Variants in IRAK4 observed in about 807,000 individuals in gnomAD.
IRAK4 encodes the protein interleukin 1 receptor associated kinase 4, also known as interleukin-1 receptor-associated kinase 4.
In IRAK4, 44 loss-of-function variants were observed where a neutral mutation model predicts 51.8. That is an observed-to-expected ratio of 0.85 (90% CI 0.67 to 1.09). The LOEUF is 1.09. Among genes scored for constraint, IRAK4 ranks in the 50% least tolerant of loss-of-function variants. IRAK4 has a pLI of 0.00. For missense variants in IRAK4, 487 were observed against 538.0 expected (o/e 0.91, Z 0.94); for synonymous variants, 149 against 174.1 (o/e 0.86, Z 1.13).
At chr12:43,782,022 A>T (rs1398323138) in intron 8 of IRAK4, among the ~76,000 whole-genome samples, 1 of 152,068 alleles carries the variant, frequency 6.6e-6, no homozygotes, top group South Asian at 2.1e-4. Flanking sequence ...TAATGTAGAC[A>T]GTTTTATTTC....
intron 1 of IRAK4, among the ~76,000 whole-genome samples, chr12:43,761,391 T>C (rs1939538886): frequency 6.6e-6 from 1 of 152,194 alleles, no homozygotes; most frequent in Non-Finnish European, 1.5e-5. Flanking sequence ...AAATTGAACC[T>C]AAATACAGTC....
chr12:43,766,693 T>G (rs1265806376), intron 1 of IRAK4, among the ~76,000 whole-genome samples: 1 of 152,190 alleles, frequency 6.6e-6, no homozygotes, highest in Non-Finnish European at 1.5e-5. Context: ...TAATTGTAAG[T>G]CCTGGATCTC....
Position 43,786,749 on chromosome 12 carries a change from T to A in IRAK4, c.*34T>A, listed in dbSNP as rs2138089381. 1 of 1,564,542 alleles carries A rather than the reference T, an allele frequency of 6.4e-7. No homozygotes were observed. The highest frequency in any genetic ancestry group is 2.2e-5 in the East Asian group (1 of 44,578). On this transcript the variant is annotated 3_prime_UTR_variant, in exon 12 of 12. Transcript: ENST00000613694. Reference sequence around the variant, plus strand: ...TGGAAAAGACTCTTGACTTTTTATATACACCTATCTCAACCATTTTTTTAA... The same window carrying A: ...TGGAAAAGACTCTTGACTTTTTATAAACACCTATCTCAACCATTTTTTTAA...
chr12:43,765,459 A>G (rs1001853200), intron 1 of IRAK4, among the ~76,000 whole-genome samples: 1 of 152,120 alleles, frequency 6.6e-6, no homozygotes, highest in African/African-American at 2.4e-5. Flanking sequence ...CATTCTTCCA[A>G]CCAACCTCCA....
At chr12:43,778,336 T>A in intron 8 of IRAK4, 34 bp downstream of exon 8, 1 of 1,174,540 alleles carries the variant, frequency 8.5e-7, no homozygotes, top group African/African-American at 1.5e-5. Context: ...TTTGGAAAGC[T>A]GTCTTTAAAG....
intron 1 of IRAK4, among the ~76,000 whole-genome samples, chr12:43,764,078 T>G (rs1939863014): frequency 6.6e-6 from 1 of 152,230 alleles, no homozygotes; most frequent in African/African-American, 2.4e-5. Context: ...GCTCTTAATT[T>G]GTATGAGGGC....
At chr12:43,783,996 C>G (rs940714850) in intron 10 of IRAK4, among the ~76,000 whole-genome samples, 1 of 151,988 alleles carries the variant, frequency 6.6e-6, no homozygotes, top group African/African-American at 2.4e-5. Flanking sequence ...CTGAGGTCCT[C>G]TTTAGCTTAT....
intron 6 of IRAK4, among the ~76,000 whole-genome samples, chr12:43,776,159 T>TG (rs1406700478): frequency 1.3e-5 from 2 of 152,174 alleles, no homozygotes; most frequent in East Asian, 3.8e-4. Flanking sequence ...CGTGAGTCAC[T>TG]GCGCCCGGCC....
chr12:43,773,123 C>G (rs773013598), intron 5 of IRAK4, 51 bp downstream of exon 5: 1 of 1,494,162 alleles, frequency 6.7e-7, no homozygotes, highest in East Asian at 2.3e-5. Flanking sequence ...ATAGTGTGCC[C>G]TATAATAGGT....
chr12:43,774,580 A>G (rs1257038038), intron 6 of IRAK4, among the ~76,000 whole-genome samples: 1 of 152,198 alleles, frequency 6.6e-6, no homozygotes. Context: ...GTTACGTGAA[A>G]TTTCACTATC....
In IRAK4 at chr12:43,771,315, A is replaced by C; in HGVS notation, c.257A>C (p.Asp86Ala). The C allele has an allele frequency of 6.2e-7, 1 of 1,614,166 alleles. No homozygotes were observed. Among genetic ancestry groups the C allele is most frequent in the Non-Finnish European group, 8.5e-7 (1 of 1,180,008 alleles). ...TTNCTVGDLV[D>A]LLIQNEFFAP... ...AATTGCACAGTTGGTGATCTTGTGG[A>C]TCTTTTGATCCAAAATGAATTTTTT... Residue 86 changes from aspartate to alanine, a missense_variant, in exon 3 of 12, where the codon GAT (aspartate) becomes GCT (alanine). Transcript: ENST00000613694.
chr12:43,783,392 G>A lies in IRAK4; in HGVS notation c.1126-270G>A, dbSNP rs1027638520. Among the ~76,000 whole-genome samples, 15 of 152,054 alleles carry A rather than the reference G, an allele frequency of 9.9e-5. 2 individuals are homozygous for A. Among genetic ancestry groups the A allele is most frequent in the African/African-American group, 1.7e-4 (7 of 41,498 alleles). ...AAGTGCAGTGGTGGAATTATGGCTCGCTGTAGCCTCAACCTCCCAGGTTCT... is the reference window on the plus strand; with the variant it reads ...AAGTGCAGTGGTGGAATTATGGCTCACTGTAGCCTCAACCTCCCAGGTTCT... On this transcript the variant is annotated intron_variant, in intron 9 of 11. Transcript: ENST00000613694.
rs1942416991 is a variant in IRAK4 at position 43,789,403 on chromosome 12, C to G, written c.*2688C>G. On this transcript the variant is annotated 3_prime_UTR_variant, in exon 12 of 12. Coordinates refer to ENST00000613694, the MANE Select transcript of IRAK4 (RefSeq NM_016123.4). ...GCCGTGCTAGTATGGCCTGCAGAAC[C>G]GTAAGCCAAAACAAACCTTTTTTCT... 1 of 152,284 alleles carries G rather than the reference C, an allele frequency of 6.6e-6. No individual in the cohort carries two copies. The highest frequency in any genetic ancestry group is 2.4e-5 in the African/African-American group (1 of 41,554). 9.4% of individuals were successfully genotyped at this position (152,284 alleles called of 1,614,324 possible).
chr12:43,785,031 A>G (rs568633750), intron 10 of IRAK4, among the ~76,000 whole-genome samples: 1 of 152,270 alleles, frequency 6.6e-6, no homozygotes, highest in African/African-American at 2.4e-5. Context: ...TTATTTGCTC[A>G]TAGTTCTGGA....
chr12:43,780,387 A>G (rs1312647174), intron 8 of IRAK4, among the ~76,000 whole-genome samples: 2 of 152,126 alleles, frequency 1.3e-5, no homozygotes, highest in East Asian at 3.9e-4. Context: ...ATCCAGATTA[A>G]AAGGGAGAGG....
chr12:43,782,068 TAAAA>T lies in IRAK4; in HGVS notation c.942-235_942-232del, dbSNP rs3840273. Among the ~76,000 whole-genome samples, 53,721 of 151,760 alleles carry T rather than the reference TAAAA, an allele frequency of 0.35. 9,955 individuals carry two copies. The highest frequency in any genetic ancestry group is 0.47 in the South Asian group (2,268 of 4,808). ...TCCTAAATGTTTTCCTCAAGAAACATAAAAAAAGAGGACAGTTGCTTCTCTTTAG... is the reference window on the plus strand; with the variant it reads ...TCCTAAATGTTTTCCTCAAGAAACATAAAGAGGACAGTTGCTTCTCTTTAG... On this transcript the variant is annotated intron_variant, in intron 8 of 11. Coordinates refer to ENST00000613694, the MANE Select transcript of IRAK4 (RefSeq NM_016123.4).
chr12:43,782,657 A>G (rs1377296487), intron 9 of IRAK4, among the ~76,000 whole-genome samples, 167 bp downstream of exon 9: 1 of 152,226 alleles, frequency 6.6e-6, no homozygotes, highest in African/African-American at 2.4e-5. Context: ...ACTTCTTCCA[A>G]TGTGTAAAAC....
chr12:43,778,540 T>C (rs1941498502), intron 8 of IRAK4, among the ~76,000 whole-genome samples: 1 of 152,218 alleles, frequency 6.6e-6, no homozygotes, highest in African/African-American at 2.4e-5. Context: ...TAGTTTATTC[T>C]GTTCTTCTTG....
Position 43,788,957 on chromosome 12 carries a change from A to G in IRAK4, c.*2242A>G. The G allele has an allele frequency of 6.6e-6, 1 of 152,100 alleles. No homozygotes were observed. Among genetic ancestry groups the G allele is most frequent in the East Asian group, 1.9e-4 (1 of 5,188 alleles). 9.4% of individuals were successfully genotyped at this position (152,100 alleles called of 1,614,324 possible). On this transcript the variant is annotated 3_prime_UTR_variant, in exon 12 of 12. Transcript: ENST00000613694. ...TGTATCTTGGAAATAAATAACTTATATTTTATTTCAGAGGCTCATAGGCGG... is the reference window on the plus strand; with the variant it reads ...TGTATCTTGGAAATAAATAACTTATGTTTTATTTCAGAGGCTCATAGGCGG...
Sources: allele counts gnomAD v4.1 joint callset (sites outside exome capture counted in the v4.1 genomes callset), GRCh38; gene constraint gnomAD v4.1.1; transcripts MANE v1.5; gene names NCBI Gene and HGNC (gene_info 2026-07-23, HGNC 2026-07-21).